The following POU6F2 variants were observed in gnomAD, a reference collection of about 807,000 sequenced individuals.
The protein encoded by POU6F2 is POU domain, class 6, transcription factor 2.
Under a neutral mutation model 71.3 loss-of-function variants are expected in POU6F2, and 31 were observed. That is an observed-to-expected ratio of 0.43 (90% CI 0.33 to 0.59). POU6F2 has a LOEUF of 0.59. Among genes scored for constraint, POU6F2 ranks in the 20% least tolerant of loss-of-function variants. The pLI is 0.04. For synonymous variants in POU6F2, 347 were observed against 355.7 expected (o/e 0.98, Z 0.27); for missense variants, 783 against 856.8 (o/e 0.91, Z 1.07).
intron 1 of POU6F2, among the ~76,000 whole-genome samples, chr7:39,015,730 CAT>C (rs1320501442): frequency 3.7e-4 from 9 of 24,574 alleles, no homozygotes; most frequent in East Asian, 1.9e-3. Context: ...AGATATATAA[CAT>C]ATAGATATAT....
rs151065351 is a variant in POU6F2 at position 39,153,189 on chromosome 7, T to TTA, written c.278-51032_278-51031dup. On this transcript the variant is annotated intron_variant, in intron 2 of 9. Coordinates refer to ENST00000518318, the MANE Select transcript of POU6F2 (RefSeq NM_001370959.1). ...GTATAATGTTGATGGAGAAAAGATT[T>TTA]TATATATATATATATTATTATGAAG... is the stretch of plus-strand genomic sequence containing the variant. Among the ~76,000 whole-genome samples, 1,103 of 151,184 alleles carry TTA rather than the reference T, an allele frequency of 7.3e-3. 8 individuals are homozygous for TTA. The highest frequency in any genetic ancestry group is 0.011 in the Non-Finnish European group (731 of 67,750).
At chr7:39,235,637 C>T (rs1014165308) in intron 4 of POU6F2, among the ~76,000 whole-genome samples, 5 of 152,218 alleles carry the variant, frequency 3.3e-5, no homozygotes, top group African/African-American at 7.2e-5. Context: ...CTTGTATCCC[C>T]TGAGCTTTTT....
intron 1 of POU6F2, among the ~76,000 whole-genome samples, chr7:39,000,941 C>A (rs1397065623): frequency 6.6e-6 from 1 of 152,050 alleles, no homozygotes; most frequent in Non-Finnish European, 1.5e-5. Context: ...GAATTCATAC[C>A]TAGGTATTAA....
At chr7:39,356,278 C>G (rs1244592657) in intron 5 of POU6F2, among the ~76,000 whole-genome samples, 1 of 152,184 alleles carries the variant, frequency 6.6e-6, no homozygotes, top group Non-Finnish European at 1.5e-5. Flanking sequence ...CTGCCACATT[C>G]ACCCTGGCCT....
At chr7:39,214,079 G>A (rs1370883350) in intron 4 of POU6F2, among the ~76,000 whole-genome samples, 1 of 152,200 alleles carries the variant, frequency 6.6e-6, no homozygotes, top group South Asian at 2.1e-4. Context: ...AAAAGGGAAT[G>A]CTTCTTTTCT....
At chr7:39,257,483 T>C (rs1784047752) in intron 4 of POU6F2, among the ~76,000 whole-genome samples, 1 of 152,202 alleles carries the variant, frequency 6.6e-6, no homozygotes, top group African/African-American at 2.4e-5. Flanking sequence ...AATAATTGTT[T>C]GTTATCTAGA....
At chr7:39,263,171 C>T (rs955136482) in intron 4 of POU6F2, among the ~76,000 whole-genome samples, 2 of 152,058 alleles carry the variant, frequency 1.3e-5, no homozygotes, top group African/African-American at 2.4e-5. Context: ...AAAAAGAAAA[C>T]TAGAAACATC....
intron 5 of POU6F2, among the ~76,000 whole-genome samples, chr7:39,397,755 G>A (rs975429811): frequency 4.0e-5 from 6 of 148,330 alleles, no homozygotes; most frequent in South Asian, 2.1e-4. Context: ...ATCCACAAGC[G>A]TGAGCCACTG....
At chr7:39,346,074 C>T (rs761333842) in intron 5 of POU6F2, among the ~76,000 whole-genome samples, 6 of 152,088 alleles carry the variant, frequency 3.9e-5, no homozygotes, top group Non-Finnish European at 8.8e-5. Context: ...ACAATTTTTC[C>T]TTTTATGAAA....
At chr7:39,461,239 AT>A (rs993711844) in intron 9 of POU6F2, among the ~76,000 whole-genome samples, 34 of 152,338 alleles carry the variant, frequency 2.2e-4, no homozygotes, top group Non-Finnish European at 4.0e-4. Flanking sequence ...GAAATAAAAA[AT>A]AAAAGAAAAG....
At chr7:39,139,008 G>A (rs868345913) in intron 2 of POU6F2, among the ~76,000 whole-genome samples, 2 of 152,082 alleles carry the variant, frequency 1.3e-5, no homozygotes, top group Admixed American at 6.5e-5. Flanking sequence ...CTGTGCAGTC[G>A]CTTGGCTTGT....
chr7:39,325,195 A>C (rs1178658206), intron 4 of POU6F2, among the ~76,000 whole-genome samples: 2 of 152,198 alleles, frequency 1.3e-5, no homozygotes, highest in Non-Finnish European at 2.9e-5. Flanking sequence ...TTAATCCTAT[A>C]TCTCAAAATA....
intron 8 of POU6F2, among the ~76,000 whole-genome samples, chr7:39,459,983 T>C (rs1788907745): frequency 6.6e-6 from 1 of 152,134 alleles, no homozygotes; most frequent in Admixed American, 6.5e-5. Flanking sequence ...CGCAGTTTCA[T>C]AAGCATGCTC....
At chr7:39,033,775 A>G (rs1331477989) in intron 1 of POU6F2, among the ~76,000 whole-genome samples, 1 of 152,214 alleles carries the variant, frequency 6.6e-6, no homozygotes, top group Non-Finnish European at 1.5e-5. Context: ...CCAGGCAGTA[A>G]CAATCTTTCA....
chr7:39,131,557 G>A (rs886954084), intron 2 of POU6F2, among the ~76,000 whole-genome samples: 23 of 152,188 alleles, frequency 1.5e-4, no homozygotes, highest in African/African-American at 5.5e-4. Context: ...CGGTCGAGTC[G>A]GAGGAGAAAA....
intron 1 of POU6F2, among the ~76,000 whole-genome samples, chr7:39,040,238 C>T (rs903568016): frequency 6.9e-6 from 1 of 144,770 alleles, no homozygotes; most frequent in Non-Finnish European, 1.5e-5. Context: ...TAAAATAATG[C>T]ATAGGTAGTA....
intron 4 of POU6F2, among the ~76,000 whole-genome samples, chr7:39,232,651 G>A (rs1794597389): frequency 6.6e-6 from 1 of 152,220 alleles, no homozygotes; most frequent in Admixed American, 6.5e-5. Flanking sequence ...TACTGAATTT[G>A]TTGGTAGGTT....
intron 4 of POU6F2, among the ~76,000 whole-genome samples, chr7:39,323,738 A>G (rs1031704492): frequency 5.9e-5 from 9 of 152,138 alleles, no homozygotes; most frequent in African/African-American, 1.2e-4. Context: ...CACTTGGCAA[A>G]TGGCTTGATA....
At chr7:39,391,986 C>T (rs1787084006) in intron 5 of POU6F2, among the ~76,000 whole-genome samples, 1 of 152,182 alleles carries the variant, frequency 6.6e-6, no homozygotes, top group South Asian at 2.1e-4. Context: ...TGGAAGCCAA[C>T]CTAGAAGTCA....
Sources: gnomAD v4.1 joint callset for allele counts (sites outside exome capture counted in the v4.1 genomes callset) on GRCh38, gnomAD v4.1.1 for gene constraint, MANE v1.5 for transcripts, NCBI Gene and HGNC (gene_info 2026-07-23, HGNC 2026-07-21) for gene names.